The following UBE2E2 variants were observed in gnomAD, a reference collection of about 807,000 sequenced individuals.
UBE2E2 encodes ubiquitin conjugating enzyme E2 E2, also known as ubiquitin-conjugating enzyme E2 E2.
Under a neutral mutation model 24.7 loss-of-function variants are expected in UBE2E2, and 6 were observed. The observed-to-expected ratio is 0.24, with a 90% CI of 0.13 to 0.48. The LOEUF (loss-of-function observed/expected upper bound fraction) is 0.48. UBE2E2 is among the 20% of genes least tolerant of loss of function. The pLI is 0.99. For synonymous variants in UBE2E2, 104 were observed against 83.6 expected (o/e 1.24, Z -1.33); for missense variants, 169 against 245.0 (o/e 0.69, Z 2.07).
chr3:23,526,075 G>A (rs560261254), intron 4 of UBE2E2, among the ~76,000 whole-genome samples: 4 of 152,260 alleles, frequency 2.6e-5, no homozygotes, highest in South Asian at 2.1e-4. Flanking sequence ...TTTTATTAGC[G>A]AGTTTTTACC....
chr3:23,501,060 T>G (rs1699710136), intron 4 of UBE2E2, among the ~76,000 whole-genome samples: 1 of 152,166 alleles, frequency 6.6e-6, no homozygotes, highest in South Asian at 2.1e-4. Flanking sequence ...CCTTATACCT[T>G]CCTTTTCTAC....
At chr3:23,452,890 G>C (rs914945579) in intron 3 of UBE2E2, among the ~76,000 whole-genome samples, 2 of 152,096 alleles carry the variant, frequency 1.3e-5, no homozygotes, top group Non-Finnish European at 2.9e-5. Flanking sequence ...TCCACAGCAC[G>C]CTGGCACACC....
At chr3:23,270,157 T>TC (rs1328548843) in intron 3 of UBE2E2, among the ~76,000 whole-genome samples, 6 of 144,884 alleles carry the variant, frequency 4.1e-5, no homozygotes, top group Non-Finnish European at 1.5e-5. Flanking sequence ...TCCTCCTTTT[T>TC]TTTTTTTTTT....
At position 23,332,718 on chromosome 3, in the gene UBE2E2, T is replaced by TGTGCGC. The variant is rs1491331498; in HGVS notation, c.227+115407_227+115408insTGCGCG. 3.3e-3 allele frequency among the ~76,000 whole-genome samples: 485 copies of TGTGCGC among 148,332 alleles called. 1 individual carries two copies. Among genetic ancestry groups the TGTGCGC allele is most frequent in the Non-Finnish European group, 4.9e-3 (326 of 66,962 alleles). On this transcript the variant is annotated intron_variant, in intron 3 of 5. Transcript: ENST00000396703. ...GTGTGTGTGTGTGTGTGTGTGTGTG[T>TGTGCGC]GCAGCTATGGATATCTCTCTAGGAA...
chr3:23,363,347 C>CAGAATG (rs1559362268), intron 3 of UBE2E2, among the ~76,000 whole-genome samples: 1 of 152,184 alleles, frequency 6.6e-6, no homozygotes, highest in Non-Finnish European at 1.5e-5. Context: ...TTAAAAGGCA[C>CAGAATG]AGAATGACAG....
At chr3:23,292,696 C>T (rs930508061) in intron 3 of UBE2E2, among the ~76,000 whole-genome samples, 1 of 152,228 alleles carries the variant, frequency 6.6e-6, no homozygotes, top group African/African-American at 2.4e-5. Context: ...AGCCTTGGCT[C>T]TGCCACTTAA....
chr3:23,399,109 T>C (rs971399173), intron 3 of UBE2E2, among the ~76,000 whole-genome samples: 3 of 152,194 alleles, frequency 2.0e-5, no homozygotes, highest in African/African-American at 7.2e-5. Context: ...TAGGCATTTA[T>C]CACGTTTCTT....
intron 3 of UBE2E2, among the ~76,000 whole-genome samples, chr3:23,275,583 G>T (rs1698358054): frequency 6.6e-6 from 1 of 152,218 alleles, no homozygotes; most frequent in Admixed American, 6.5e-5. Context: ...TACCTGCTTT[G>T]TGGACAGTGG....
At chr3:23,214,176 A>G (rs1178476493) in intron 2 of UBE2E2, among the ~76,000 whole-genome samples, 1 of 152,166 alleles carries the variant, frequency 6.6e-6, no homozygotes, top group East Asian at 1.9e-4. Context: ...TGCTTTTTGT[A>G]TTGAATAATA....
chr3:23,478,462 A>T (rs1208053358), intron 3 of UBE2E2, among the ~76,000 whole-genome samples: 1 of 152,228 alleles, frequency 6.6e-6, no homozygotes, highest in Non-Finnish European at 1.5e-5. Context: ...AAGAAATAAG[A>T]CTAAGTACAA....
chr3:23,268,388 C>T (rs1368233705), intron 3 of UBE2E2, among the ~76,000 whole-genome samples: 2 of 151,994 alleles, frequency 1.3e-5, no homozygotes. Context: ...GTACAAAAAT[C>T]ACAAGCATTC....
chr3:23,348,705 G>C (rs1695635906), intron 3 of UBE2E2, among the ~76,000 whole-genome samples: 1 of 152,076 alleles, frequency 6.6e-6, no homozygotes, highest in African/African-American at 2.4e-5. Context: ...CCCTGAGGAG[G>C]GAATAAGTTC....
chr3:23,462,277 G>C (rs1352040378), intron 3 of UBE2E2, among the ~76,000 whole-genome samples: 1 of 152,028 alleles, frequency 6.6e-6, no homozygotes. Context: ...AAGAACACTT[G>C]TTACCATTTT....
chr3:23,384,230 A>C (rs1182682618), intron 3 of UBE2E2, among the ~76,000 whole-genome samples: 1 of 152,154 alleles, frequency 6.6e-6, no homozygotes, highest in African/African-American at 2.4e-5. Context: ...TGTCACGAGC[A>C]TGGCTCACTA....
chr3:23,489,930 C>A (rs998983949), intron 3 of UBE2E2, among the ~76,000 whole-genome samples: 1 of 152,116 alleles, frequency 6.6e-6, no homozygotes, highest in African/African-American at 2.4e-5. Flanking sequence ...CCCTTCCCCC[C>A]ATATGCATGC....
chr3:23,493,191 A>G (rs1028283022), intron 3 of UBE2E2, among the ~76,000 whole-genome samples: 19 of 152,192 alleles, frequency 1.2e-4, no homozygotes, highest in African/African-American at 4.6e-4. Flanking sequence ...GACACAGCCA[A>G]AAACTCTTGG....
intron 3 of UBE2E2, among the ~76,000 whole-genome samples, chr3:23,426,264 G>T (rs1248387555): frequency 1.3e-5 from 2 of 152,040 alleles, no homozygotes; most frequent in Non-Finnish European, 2.9e-5. Flanking sequence ...ACAACAATAG[G>T]TGTATCATAT....
intron 3 of UBE2E2, among the ~76,000 whole-genome samples, chr3:23,329,479 A>G (rs1239147887): frequency 6.6e-6 from 1 of 152,284 alleles, no homozygotes; most frequent in South Asian, 2.1e-4. Flanking sequence ...GCAAAAGGGC[A>G]GATTCTCTGC....
chr3:23,328,125 G>A (rs1450462090), intron 3 of UBE2E2, among the ~76,000 whole-genome samples: 1 of 151,990 alleles, frequency 6.6e-6, no homozygotes, highest in Admixed American at 6.6e-5. Context: ...GAAAATCAAT[G>A]CAACATTTCT....
Sources: allele counts gnomAD v4.1 joint callset (sites outside exome capture counted in the v4.1 genomes callset), GRCh38; gene constraint gnomAD v4.1.1; transcripts MANE v1.5; gene names NCBI Gene and HGNC (gene_info 2026-07-23, HGNC 2026-07-21).